The following EXOC6 variants were observed in gnomAD, a reference collection of about 807,000 sequenced individuals.
The protein encoded by EXOC6 is SEC15-like 1.
A neutral mutation model predicts 112.5 loss-of-function variants in EXOC6; 60 were observed. The ratio of observed to expected loss-of-function variants is 0.53; its 90% CI spans 0.43 to 0.66. EXOC6 has a LOEUF of 0.66. Among genes scored for constraint, EXOC6 ranks in the 30% least tolerant of loss-of-function variants. The pLI is 0.00. For missense variants in EXOC6, 855 were observed against 957.1 expected, an observed-to-expected ratio of 0.89 and a Z score of 1.41; for synonymous variants, 295 against 308.0, an observed-to-expected ratio of 0.96 and a Z score of 0.44.
In EXOC6 at chr10:92,838,410, C is replaced by T. The variant is rs113664917; in HGVS notation, c.86+3586C>T. Among the ~76,000 whole-genome samples, 1,300 of 152,288 alleles carry T rather than the reference C, an allele frequency of 8.5e-3. 11 individuals are homozygous for T. Among genetic ancestry groups the T allele is most frequent in the Non-Finnish European group, 0.012 (834 of 68,028 alleles). On this transcript the variant is annotated intron_variant, in intron 1 of 21. Coordinates refer to the EXOC6 transcript ENST00000371552. Reference sequence around the variant, plus strand: ...TCCCAATGAGCCCTTGTGTTGGCTCCTTTGGCCCTCTTTTTGAAAGAGTGG... The same window carrying T: ...TCCCAATGAGCCCTTGTGTTGGCTCTTTTGGCCCTCTTTTTGAAAGAGTGG...
At chr10:92,980,998 G>T (rs571809971) in intron 18 of EXOC6, among the ~76,000 whole-genome samples, 50 of 152,228 alleles carry the variant, frequency 3.3e-4, no homozygotes, top group African/African-American at 1.2e-3. Flanking sequence ...TTGCACTCCA[G>T]CCTGGGCGAC....
upstream of EXOC6, chr10:92,848,494 G>C: frequency 8.4e-7 from 1 of 1,183,730 alleles, no homozygotes; most frequent in Non-Finnish European, 1.1e-6. Flanking sequence ...CGTCGTTCCC[G>C]CGGCGCCGCG....
rs116331824 is a variant in EXOC6 at position 93,056,662 on chromosome 10, C to T, written c.2170-262C>T. On this transcript the variant is annotated intron_variant, in intron 20 of 21. Coordinates refer to ENST00000260762, the MANE Select transcript of EXOC6 (RefSeq NM_019053.6). The stretch of plus-strand genomic sequence containing the variant: ...CAAGGGTTAATATATATTATATTAA[C>T]ATTGTTTTCATTATTTTACAATTAT... Among the ~76,000 whole-genome samples, 1,356 of 151,098 alleles carry T rather than the reference C, an allele frequency of 9.0e-3. 8 individuals carry two copies. The highest frequency in any genetic ancestry group is 0.014 in the Non-Finnish European group (974 of 67,710).
chr10:92,971,032 CT>C (rs2134075543), intron 17 of EXOC6, among the ~76,000 whole-genome samples: 2 of 152,286 alleles, frequency 1.3e-5, no homozygotes, highest in East Asian at 3.9e-4. Context: ...CTCAAATCTG[CT>C]GTTGAACTTC....
chr10:92,854,007 CAA>C (rs34153493), intron 1 of EXOC6, among the ~76,000 whole-genome samples: 72 of 120,042 alleles, frequency 6.0e-4, no homozygotes, highest in Admixed American at 9.3e-4. Context: ...GTCCCTGTCT[CAA>C]AAAAAAAAAA....
chr10:93,040,004 C>T (rs1157048055), intron 20 of EXOC6, among the ~76,000 whole-genome samples: 3 of 152,212 alleles, frequency 2.0e-5, no homozygotes, highest in Non-Finnish European at 4.4e-5. Flanking sequence ...ACCATTGTTC[C>T]TCCACTCTTG....
In EXOC6 at chr10:92,952,322, A is replaced by G; in HGVS notation, c.1466A>G (p.Tyr489Cys). 6.2e-7 allele frequency: 1 copy of G among 1,613,088 alleles called. No homozygotes were observed. The highest frequency in any genetic ancestry group is 8.5e-7 in the Non-Finnish European group (1 of 1,179,348). Reference sequence around the variant, plus strand: ...ATGTCTCAGTCAGTGCCTCATATTTACATTCAAGTTAAAGAATTTATTTAT... The same window carrying G: ...ATGTCTCAGTCAGTGCCTCATATTTGCATTCAAGTTAAAGAATTTATTTAT... ...FPMSQSVPHIYIQVKEFIYAS... is the reference protein window; with the variant it reads ...FPMSQSVPHICIQVKEFIYAS... Residue 489 changes from tyrosine (Y) to cysteine (C), a missense_variant, in exon 15 of 22, where the codon TAC becomes TGC. Physicochemically the swap from Tyr to Cys is radical, Grantham distance 194 (BLOSUM62 -2). This residue lies in a region of EXOC6 where 450 missense variants were observed against 563.5 expected (regional missense o/e 0.80). Coordinates refer to ENST00000260762, the MANE Select transcript of EXOC6 (RefSeq NM_019053.6).
rs185922858 is a variant in EXOC6 at position 93,021,738 on chromosome 10, G to A, written c.2169+7471G>A. ...GTTTCCTACTGGTGTAAGTTGCAAGGACGTAAACATATTCTCCAATCCAAA... is the reference window on the plus strand; with the variant it reads ...GTTTCCTACTGGTGTAAGTTGCAAGAACGTAAACATATTCTCCAATCCAAA... On this transcript the variant is annotated intron_variant, in intron 20 of 21. Transcript: ENST00000260762. Among the ~76,000 whole-genome samples the A allele has an allele frequency of 2.2e-4, 33 of 152,304 alleles. 1 individual carries two copies. The highest frequency in any genetic ancestry group is 4.0e-4 in the Non-Finnish European group (27 of 68,030).
intron 1 of EXOC6, among the ~76,000 whole-genome samples, chr10:92,888,261 T>G (rs1292828188): frequency 2.0e-5 from 3 of 152,160 alleles, no homozygotes; most frequent in African/African-American, 7.2e-5. Flanking sequence ...TTTTCTCCAT[T>G]ATAGCACAAC....
intron 19 of EXOC6, among the ~76,000 whole-genome samples, chr10:93,013,530 C>T (rs1271725871): frequency 1.3e-5 from 2 of 152,106 alleles, no homozygotes; most frequent in Non-Finnish European, 2.9e-5. Context: ...ATCACTTGAA[C>T]CTGGGAGGCA....
intron 5 of EXOC6, among the ~76,000 whole-genome samples, chr10:92,907,412 G>A (rs1008064921): frequency 1.3e-5 from 2 of 152,160 alleles, no homozygotes; most frequent in African/African-American, 2.4e-5. Flanking sequence ...TGGGCGCTAG[G>A]TAAGTCTTAT....
intron 5 of EXOC6, among the ~76,000 whole-genome samples, chr10:92,906,386 A>G (rs868312504): frequency 3.9e-5 from 6 of 152,164 alleles, no homozygotes; most frequent in Non-Finnish European, 8.8e-5. Flanking sequence ...AACCAATTCT[A>G]TGGTAGGACA....
chr10:92,863,076 G>T (rs1847985329), intron 1 of EXOC6, among the ~76,000 whole-genome samples: 1 of 152,182 alleles, frequency 6.6e-6, no homozygotes, highest in Admixed American at 6.5e-5. Flanking sequence ...ATCTGTAGAT[G>T]ATGGACTTTA....
intron 8 of EXOC6, among the ~76,000 whole-genome samples, chr10:92,922,049 G>A (rs1414960940): frequency 6.6e-6 from 1 of 151,914 alleles, no homozygotes; most frequent in Non-Finnish European, 1.5e-5. Flanking sequence ...GGGTTCAAGC[G>A]ATTCTACTAC....
intron 17 of EXOC6, among the ~76,000 whole-genome samples, chr10:92,960,393 T>C (rs1853919962): frequency 6.6e-6 from 1 of 152,090 alleles, no homozygotes; most frequent in South Asian, 2.1e-4. Context: ...AGAGGATGTT[T>C]AGGGCAGTGA....
At chr10:92,835,822 T>C (rs1049735265) in intron 1 of EXOC6, among the ~76,000 whole-genome samples, 2 of 152,196 alleles carry the variant, frequency 1.3e-5, no homozygotes, top group African/African-American at 2.4e-5. Flanking sequence ...GTAGGTATAG[T>C]TGCAAAATAA....
intron 1 of EXOC6, among the ~76,000 whole-genome samples, chr10:92,860,265 C>CT (rs35900396): frequency 0.22 from 19,081 of 87,950 alleles, 3,285 homozygotes; most frequent in East Asian, 0.64. Context: ...ATCTCCACAA[C>CT]TTTTTTTTTT....
At chr10:92,852,059 A>AC (rs1346102046) in intron 1 of EXOC6, among the ~76,000 whole-genome samples, 1 of 152,082 alleles carries the variant, frequency 6.6e-6, no homozygotes, top group East Asian at 1.9e-4. Context: ...ACAGAGTGAG[A>AC]CCCCCATCTC....
intron 1 of EXOC6, among the ~76,000 whole-genome samples, chr10:92,839,936 G>T (rs1292449988): frequency 2.0e-5 from 3 of 152,104 alleles, no homozygotes; most frequent in African/African-American, 7.2e-5. Flanking sequence ...CGTACCAGAA[G>T]AAATTTTTGT....
Sources: allele counts gnomAD v4.1 joint callset (sites outside exome capture counted in the v4.1 genomes callset), GRCh38; gene constraint gnomAD v4.1.1; regional missense constraint gnomAD v4.1.1; transcripts MANE v1.5; gene names NCBI Gene and HGNC (gene_info 2026-07-23, HGNC 2026-07-21).